The following LCOR variants were observed in gnomAD, a reference collection of about 807,000 sequenced individuals.
LCOR encodes ligand-dependent corepressor.
LCOR carries 14 observed loss-of-function variants against 64.4 expected under a neutral mutation model. The ratio of observed to expected loss-of-function variants is 0.22; its 90% CI spans 0.14 to 0.34. LCOR has a LOEUF of 0.34. Among genes scored for constraint, LCOR ranks in the 10% least tolerant of loss-of-function variants. LCOR has a pLI of 1.00. For missense variants in LCOR, 1,686 were observed against 1,765.3 expected (o/e 0.96, Z 0.80); for synonymous variants, 643 against 642.5 (o/e 1.00, Z -0.01).
chr10:96,936,369 AAG>A (rs1258006374), intron 4 of LCOR, among the ~76,000 whole-genome samples: 1 of 152,262 alleles, frequency 6.6e-6, no homozygotes, highest in Non-Finnish European at 1.5e-5. Context: ...AGCAGGCAGA[AAG>A]AGAGAAATAA....
chr10:96,957,461 T>G, intron 7 of LCOR: 1 of 985,278 alleles, frequency 1.0e-6, no homozygotes, highest in Non-Finnish European at 1.2e-6. Context: ...CAGATTAAAA[T>G]TACTATTTGT....
chr10:96,910,192 C>T (rs1846804864), intron 4 of LCOR, among the ~76,000 whole-genome samples: 1 of 151,986 alleles, frequency 6.6e-6, no homozygotes, highest in Non-Finnish European at 1.5e-5. Flanking sequence ...GCCACCATAC[C>T]CAGCTTGTGT....
chr10:96,862,389 C>T (rs1004015001), intron 2 of LCOR, among the ~76,000 whole-genome samples: 2 of 152,088 alleles, frequency 1.3e-5, no homozygotes, highest in African/African-American at 2.4e-5. Flanking sequence ...CCTCAGCCTC[C>T]TTTGTAGCTG....
intron 2 of LCOR, among the ~76,000 whole-genome samples, chr10:96,904,311 A>G (rs1846691017): frequency 6.6e-6 from 1 of 152,238 alleles, no homozygotes; most frequent in Non-Finnish European, 1.5e-5. Context: ...AGGAATGATC[A>G]CTGAACACAA....
rs1414255593 is a variant in LCOR, at chr10:96,984,330, G to A, written c.3870G>A (p.Lys1290=). 2 of 1,614,094 alleles carry A rather than the reference G, an allele frequency of 1.2e-6. No homozygotes were observed. The highest frequency in any genetic ancestry group is 1.7e-6 in the Non-Finnish European group (2 of 1,180,030). The change falls in exon 8 of 8, where the codon AAG becomes AAA. Residue 1290 remains lysine (K), a synonymous_variant. Coordinates refer to ENST00000421806, the MANE Select transcript of LCOR (RefSeq NM_001346516.2). The part of the protein sequence containing the change: ...PNSEDSIEEV[K]EDRNSHPPAN... ...CTGAAGACAGCATAGAGGAAGTCAA[G>A]GAAGATAGAAACAGTCATCCTCCAG...
At chr10:96,869,638 G>T (rs563315965) in intron 2 of LCOR, among the ~76,000 whole-genome samples, 1 of 149,732 alleles carries the variant, frequency 6.7e-6, no homozygotes, top group East Asian at 2.0e-4. Context: ...GCAGTGGCAC[G>T]ATCTTTGCTC....
At chr10:96,914,646 A>G (rs1207394935) in intron 4 of LCOR, among the ~76,000 whole-genome samples, 1 of 152,202 alleles carries the variant, frequency 6.6e-6, no homozygotes, top group Non-Finnish European at 1.5e-5. Context: ...GAACTTTCAA[A>G]CTCCCTTCTT....
chr10:96,930,642 G>A (rs370927203), intron 4 of LCOR, among the ~76,000 whole-genome samples: 3 of 152,158 alleles, frequency 2.0e-5, no homozygotes, highest in East Asian at 3.8e-4. Context: ...GGAGAAAAGC[G>A]TAGAGTAAAC....
chr10:96,890,226 G>T (rs1273065069), intron 2 of LCOR, among the ~76,000 whole-genome samples: 1 of 151,954 alleles, frequency 6.6e-6, no homozygotes, highest in South Asian at 2.1e-4. Flanking sequence ...CCTCAGTCTA[G>T]GACTACGTAC....
At chr10:96,936,964 T>A (rs2134498923) in intron 4 of LCOR, among the ~76,000 whole-genome samples, 1 of 152,360 alleles carries the variant, frequency 6.6e-6, no homozygotes, top group South Asian at 2.1e-4. Context: ...GTGAATATTC[T>A]CTCTCTTTTC....
chr10:96,861,366 A>T (rs1370423739), intron 2 of LCOR, among the ~76,000 whole-genome samples: 1 of 152,202 alleles, frequency 6.6e-6, no homozygotes, highest in African/African-American at 2.4e-5. Flanking sequence ...AATATTTTTG[A>T]CAGTGGTAGT....
Position 96,984,071 on chromosome 10 carries a change from C to T in LCOR, c.3611C>T (p.Thr1204Ile). The T allele has an allele frequency of 6.2e-7, 1 of 1,614,014 alleles. No homozygotes were observed. The highest frequency in any genetic ancestry group is 8.5e-7 in the Non-Finnish European group (1 of 1,179,946). ...RSLVIVKKLN[T>I]RLPGDVPPVK... is the part of the protein sequence containing the mutation. The stretch of plus-strand genomic sequence containing the variant: ...CTAGTCATTGTGAAGAAGCTCAATA[C>T]TCGCCTTCCAGGAGACGTTCCCCCT... Residue 1204 changes from threonine (T) to isoleucine (I), a missense_variant, in exon 8 of 8, where the codon ACT (threonine) becomes ATT (isoleucine). Coordinates refer to ENST00000421806, the MANE Select transcript of LCOR (RefSeq NM_001346516.2).
intron 2 of LCOR, among the ~76,000 whole-genome samples, chr10:96,873,552 T>C (rs996534166): frequency 1.4e-5 from 2 of 143,328 alleles, no homozygotes; most frequent in African/African-American, 5.1e-5. Context: ...TGTTTTGTTT[T>C]TCGATACACA....
chr10:96,924,373 GTTTT>G (rs869096275), intron 4 of LCOR, among the ~76,000 whole-genome samples: 4 of 127,982 alleles, frequency 3.1e-5, no homozygotes, highest in Non-Finnish European at 6.0e-5. Flanking sequence ...CAGCCAATTT[GTTTT>G]TGTTTGTTTG....
rs1848163741 is a variant in LCOR at position 96,988,065 on chromosome 10, G to T, written c.*2931G>T. On this transcript the variant is annotated 3_prime_UTR_variant, in exon 8 of 8. Transcript: ENST00000421806. Reference sequence around the variant, plus strand: ...CTCTGAGTTTCTGGAGAAGCTGGAAGATGCCTGGGAAGCAATCACTGAAGC... The same window carrying T: ...CTCTGAGTTTCTGGAGAAGCTGGAATATGCCTGGGAAGCAATCACTGAAGC... 1 of 152,290 alleles carries T rather than the reference G, an allele frequency of 6.6e-6. No individual in the cohort carries two copies. Among genetic ancestry groups the T allele is most frequent in the South Asian group, 2.1e-4 (1 of 4,832 alleles). 9.4% of individuals were successfully genotyped at this position (152,290 alleles called of 1,614,324 possible).
At chr10:96,908,007 T>C (rs1272694291) in intron 4 of LCOR, 2 of 152,176 alleles carry the variant, frequency 1.3e-5, no homozygotes, top group Non-Finnish European at 1.5e-5. Flanking sequence ...GTTTTTTTTT[T>C]ATTTTGAGAC....
intron 2 of LCOR, among the ~76,000 whole-genome samples, chr10:96,847,405 A>ATTT (rs747131978): frequency 6.8e-6 from 1 of 147,746 alleles, no homozygotes; most frequent in African/African-American, 2.5e-5. Context: ...GGTCAAGAGT[A>ATTT]TTTTATTTAT....
At chr10:96,877,264 C>T (rs1283142638) in intron 2 of LCOR, among the ~76,000 whole-genome samples, 2 of 152,092 alleles carry the variant, frequency 1.3e-5, no homozygotes, top group African/African-American at 2.4e-5. Flanking sequence ...TGGCTCATGC[C>T]TGTAATTCAA....
chr10:96,975,972 G>A (rs922317586), intron 7 of LCOR, among the ~76,000 whole-genome samples: 32 of 152,086 alleles, frequency 2.1e-4, no homozygotes, highest in Non-Finnish European at 3.7e-4. Context: ...CCAAGATCAC[G>A]CCATTGCACT....
Sources: gnomAD v4.1 joint callset for allele counts (sites outside exome capture counted in the v4.1 genomes callset) on GRCh38, gnomAD v4.1.1 for gene constraint, MANE v1.5 for transcripts, NCBI Gene and HGNC (gene_info 2026-07-23, HGNC 2026-07-21) for gene names.